Variants in FAT4 observed in about 807,000 individuals in gnomAD.
FAT4 encodes the protein protocadherin Fat 4.
A neutral mutation model predicts 303.9 loss-of-function variants in FAT4; 84 were observed. The ratio of observed to expected loss-of-function variants is 0.28; its 90% CI spans 0.23 to 0.33. The LOEUF (loss-of-function observed/expected upper bound fraction) is 0.33, where lower values mean the gene tolerates loss of function less well. Among genes scored for constraint, FAT4 ranks in the 10% least tolerant of loss-of-function variants. The pLI, the probability that FAT4 is intolerant of heterozygous loss-of-function variation, is 1.00. For synonymous variants in FAT4, 2,307 were observed against 2,298.8 expected (o/e 1.00, Z -0.10); for missense variants, 6,005 against 6,146.8 (o/e 0.98, Z 0.77).
At chr4:125,359,351 G>T (rs1732559882) in intron 2 of FAT4, among the ~76,000 whole-genome samples, 1 of 152,104 alleles carries the variant, frequency 6.6e-6, no homozygotes, top group African/African-American at 2.4e-5. Flanking sequence ...TAATAATTGA[G>T]TTATTTGTAT....
intron 2 of FAT4, among the ~76,000 whole-genome samples, chr4:125,390,883 A>G (rs1297012621): frequency 6.6e-6 from 1 of 152,186 alleles, no homozygotes; most frequent in Non-Finnish European, 1.5e-5. Context: ...TCACTTTTCA[A>G]AAGAAGACAT....
At chr4:125,457,155 A>ACACC (rs1553928004) in intron 10 of FAT4, among the ~76,000 whole-genome samples, 3,079 of 124,734 alleles carry the variant, frequency 0.025, 34 homozygotes, top group Middle Eastern at 0.075. Context: ...ACACACACAC[A>ACACC]CCACTGAGTA....
In FAT4 at chr4:125,316,372, C is replaced by T; in HGVS notation, c.-12-28C>T. ...AAATATCATTGCGTTTGCTTCACCC[C>T]TTCCTTCTCTTTATCACATCGTTTT... On this transcript the variant is annotated intron_variant, in intron 1 of 17. Transcript: ENST00000394329. The surrounding 1 kb of genome is among the most constrained non-coding windows in gnomAD (Gnocchi z 5.7). 5 of 1,553,548 alleles carry T rather than the reference C, an allele frequency of 3.2e-6. No homozygotes were observed. The highest frequency in any genetic ancestry group is 1.4e-5 in the African/African-American group (1 of 73,294).
At chr4:125,453,306 TATC>T (rs1453465801) in intron 10 of FAT4, among the ~76,000 whole-genome samples, 3 of 152,236 alleles carry the variant, frequency 2.0e-5, no homozygotes, top group Non-Finnish European at 2.9e-5. Flanking sequence ...GTTGATTCTT[TATC>T]ATCATCGTTT....
intron 2 of FAT4, among the ~76,000 whole-genome samples, chr4:125,388,793 T>C (rs1364759574): frequency 6.6e-6 from 1 of 152,164 alleles, no homozygotes; most frequent in African/African-American, 2.4e-5. Context: ...TCACCACACA[T>C]TTAGTGAGTT....
rs759325704 is a variant in FAT4, at chr4:125,318,459, A to G, written c.2048A>G (p.Asn683Ser). Residue 683 changes from asparagine to serine, a missense_variant, in exon 2 of 18, where the codon AAT becomes AGT. Asn to Ser is a conservative substitution (Grantham distance 46). Coordinates refer to ENST00000394329, the MANE Select transcript of FAT4 (RefSeq NM_001291303.3). Reference sequence around the variant, plus strand: ...ATAAATGTGAGTCTTCTGGATATAAATGATAACAGCCCTGTCTTCTACCCG... The same window carrying G: ...ATAAATGTGAGTCTTCTGGATATAAGTGATAACAGCCCTGTCTTCTACCCG... ...ARINVSLLDINDNSPVFYPVQ... is the reference protein window; with the variant it reads ...ARINVSLLDISDNSPVFYPVQ... The G allele has an allele frequency of 1.2e-6, 2 of 1,614,198 alleles. No homozygotes were observed. The highest frequency in any genetic ancestry group is 1.7e-6 in the Non-Finnish European group (2 of 1,180,040).
chr4:125,373,242 A>G (rs1733192375), intron 2 of FAT4, among the ~76,000 whole-genome samples: 1 of 152,242 alleles, frequency 6.6e-6, no homozygotes, highest in South Asian at 2.1e-4. Context: ...ATAATAATTC[A>G]GTGAATTGTT....
At chr4:125,361,509 G>A (rs1414305218) in intron 2 of FAT4, among the ~76,000 whole-genome samples, 1 of 152,060 alleles carries the variant, frequency 6.6e-6, no homozygotes. Context: ...AATACTGAGA[G>A]GTGATCTGAC....
At chr4:125,410,073 T>C (rs1306820158) in intron 5 of FAT4, among the ~76,000 whole-genome samples, 1 of 152,146 alleles carries the variant, frequency 6.6e-6, no homozygotes, top group African/African-American at 2.4e-5. Context: ...CTTGGAACGA[T>C]ATGAGAAGCA....
chr4:125,326,892 G>T (rs1404485888), intron 2 of FAT4, among the ~76,000 whole-genome samples: 3 of 152,064 alleles, frequency 2.0e-5, no homozygotes, highest in Non-Finnish European at 2.9e-5. Flanking sequence ...GGGCATGGTG[G>T]TGCACGCCTG....
At chr4:125,348,984 T>C (rs1267430958) in intron 2 of FAT4, among the ~76,000 whole-genome samples, 1 of 151,772 alleles carries the variant, frequency 6.6e-6, no homozygotes, top group East Asian at 1.9e-4. Flanking sequence ...TAAATTGTCA[T>C]ATAAGAAATA....
rs891564371 is a variant in FAT4, at chr4:125,424,276, G to A, written c.7018+7654G>A. Among the ~76,000 whole-genome samples the A allele has an allele frequency of 4.6e-5, 7 of 152,110 alleles. No homozygotes were observed. In the East Asian group the frequency reaches 1.2e-3, roughly 25 times the overall value. ...TAGTGGGTGGTAATTAAATCATGGG[G>A]GCAGTTACCTCCATGCTGTTCTCCT... is the stretch of plus-strand genomic sequence containing the variant. On this transcript the variant is annotated intron_variant, in intron 7 of 17. Transcript: ENST00000394329.
chr4:125,405,724 G>A (rs1242016000), intron 3 of FAT4, among the ~76,000 whole-genome samples: 1 of 151,804 alleles, frequency 6.6e-6, no homozygotes. Flanking sequence ...GGATGGTCTC[G>A]ATCTCCTGAC....
chr4:125,480,210 G>A (rs1727179219), intron 15 of FAT4, among the ~76,000 whole-genome samples: 1 of 151,800 alleles, frequency 6.6e-6, no homozygotes, highest in Admixed American at 6.6e-5. Flanking sequence ...GCCTTTGGGG[G>A]ATATTTTTCT....
At position 125,415,186 on chromosome 4, in the gene FAT4, A is replaced by G. The variant is rs373887718; in HGVS notation, c.6223A>G (p.Thr2075Ala). 3 of 1,614,000 alleles carry G rather than the reference A, an allele frequency of 1.9e-6. No individual in the cohort carries two copies. The African/African-American group carries it at 4.0e-5, about 22-fold the overall frequency. Residue 2075 changes from threonine (T) to alanine (A), a missense_variant, in exon 6 of 18, where the codon ACT (threonine) becomes GCT (alanine). Physicochemically the swap from Thr to Ala is moderately conservative, Grantham distance 58. Coordinates refer to ENST00000394329, the MANE Select transcript of FAT4 (RefSeq NM_001291303.3). The part of the protein sequence containing the change: ...IDTVVFKAQA[T>A]DPDSGPNSYI... Reference sequence around the variant, plus strand: ...TACTGTTGTTTTCAAAGCTCAAGCAACTGACCCAGATAGTGGCCCAAACAG... The same window carrying G: ...TACTGTTGTTTTCAAAGCTCAAGCAGCTGACCCAGATAGTGGCCCAAACAG...
chr4:125,419,014 G>A (rs898477620), intron 7 of FAT4, among the ~76,000 whole-genome samples: 1 of 152,136 alleles, frequency 6.6e-6, no homozygotes, highest in Non-Finnish European at 1.5e-5. Context: ...AGTATATCAT[G>A]TAGTTAAATA....
intron 2 of FAT4, among the ~76,000 whole-genome samples, chr4:125,389,581 AGGT>A: frequency 6.6e-6 from 1 of 152,160 alleles, no homozygotes; most frequent in Non-Finnish European, 1.5e-5. Context: ...TCATTCATGC[AGGT>A]GGTAGTGGTC....
intron 14 of FAT4, among the ~76,000 whole-genome samples, chr4:125,478,588 A>G (rs545433699): frequency 7.2e-5 from 11 of 152,038 alleles, no homozygotes; most frequent in Middle Eastern, 3.4e-3. Context: ...CTGGAGTGCA[A>G]TGGCGGGATC....
In FAT4 at chr4:125,320,112, C is replaced by T; in HGVS notation, c.3701C>T (p.Ala1234Val). The T allele has an allele frequency of 6.2e-7, 1 of 1,613,888 alleles. No homozygotes were observed. Among genetic ancestry groups the T allele is most frequent in the Non-Finnish European group, 8.5e-7 (1 of 1,179,870 alleles). The part of the protein sequence containing the change: ...ANLTQVLRVS[A>V]SDVDEGNNGL... ...CTGACACAAGTGTTAAGAGTATCTGCCTCAGATGTTGATGAAGGTAATAAT... is the reference window on the plus strand; with the variant it reads ...CTGACACAAGTGTTAAGAGTATCTGTCTCAGATGTTGATGAAGGTAATAAT... The change falls in exon 2 of 18, where the codon GCC becomes GTC. Residue 1234 changes from alanine to valine, a missense_variant. Transcript: ENST00000394329.
Sources: gnomAD v4.1 joint callset for allele counts (sites outside exome capture counted in the v4.1 genomes callset) on GRCh38, gnomAD v4.1.1 for gene constraint, Gnocchi (gnomAD v3.1) non-coding constraint, MANE v1.5 for transcripts, NCBI Gene and HGNC (gene_info 2026-07-23, HGNC 2026-07-21) for gene names.